The following ERBB4 variants were observed in gnomAD, a reference collection of about 807,000 sequenced individuals.
The protein encoded by ERBB4 is erb-b2 receptor tyrosine kinase 4, also known as receptor tyrosine-protein kinase erbB-4.
ERBB4 carries 42 observed loss-of-function variants against 158.0 expected under a neutral mutation model. The ratio of observed to expected loss-of-function variants is 0.27; its 90% CI spans 0.21 to 0.34. The LOEUF (loss-of-function observed/expected upper bound fraction) is 0.34. Ranked by LOEUF, ERBB4 falls within the 10% of genes least tolerant of loss-of-function variation. The probability of loss-of-function intolerance (pLI) is 1.00; values close to 1 mark genes in which losing one functional copy is unlikely to be tolerated. For missense variants in ERBB4, 1,333 were observed against 1,624.1 expected (o/e 0.82, Z 3.08); for synonymous variants, 583 against 558.7 (o/e 1.04, Z -0.61).
chr2:212,206,807 C>A (rs1250602252), intron 1 of ERBB4, among the ~76,000 whole-genome samples: 1 of 151,780 alleles, frequency 6.6e-6, no homozygotes, highest in African/African-American at 2.4e-5. Flanking sequence ...CCAGGATGGT[C>A]TCCATCTCCT....
At chr2:211,499,222 A>G (rs1415354751) in intron 20 of ERBB4, among the ~76,000 whole-genome samples, 1 of 152,024 alleles carries the variant, frequency 6.6e-6, no homozygotes, top group Non-Finnish European at 1.5e-5. Context: ...CCCATTTTAG[A>G]GATGAGAAAA....
intron 2 of ERBB4, among the ~76,000 whole-genome samples, chr2:212,050,604 C>T (rs541061510): frequency 1.8e-3 from 278 of 152,018 alleles, no homozygotes; most frequent in Non-Finnish European, 3.2e-3. Context: ...TGCTGTTCTG[C>T]TGATATTACT....
intron 1 of ERBB4, among the ~76,000 whole-genome samples, chr2:212,515,221 T>C (rs921049073): frequency 1.3e-5 from 2 of 152,164 alleles, no homozygotes; most frequent in Non-Finnish European, 2.9e-5. Flanking sequence ...ATGAAAAACA[T>C]TTTCAATATC....
rs544794568 is a variant in ERBB4 at position 212,388,367 on chromosome 2, C to T, written c.82+150082G>A. 2.0e-5 allele frequency among the ~76,000 whole-genome samples: 3 copies of T among 152,116 alleles called. No homozygotes were observed. In the South Asian group the frequency reaches 6.2e-4, roughly 32 times the overall value. The stretch of plus-strand genomic sequence containing the variant: ...CAGAATAGGACAAAGCATATGCTTT[C>T]AAATAATTAGATTTGAAAGGGAAGA... On this transcript the variant is annotated intron_variant, in intron 1 of 27. Coordinates refer to ENST00000342788, the MANE Select transcript of ERBB4 (RefSeq NM_005235.3).
chr2:211,954,451 T>A (rs1190284503), intron 2 of ERBB4, among the ~76,000 whole-genome samples: 3 of 151,802 alleles, frequency 2.0e-5, no homozygotes. Flanking sequence ...CCTTCTGTAA[T>A]CAGTCAAAAA....
chr2:211,763,914 A>ACACACACACACACAC, intron 4 of ERBB4, among the ~76,000 whole-genome samples: 1 of 152,008 alleles, frequency 6.6e-6, no homozygotes, highest in South Asian at 2.1e-4. Flanking sequence ...ACACACACAC[A>ACACACACACACACAC]AATATATGTA....
chr2:212,198,621 C>A (rs2082499075), intron 1 of ERBB4, among the ~76,000 whole-genome samples: 1 of 151,866 alleles, frequency 6.6e-6, no homozygotes, highest in South Asian at 2.1e-4. Context: ...GTTGCCCAGG[C>A]TGGAATGCAG....
chr2:211,921,496 C>G (rs575166013), intron 3 of ERBB4, among the ~76,000 whole-genome samples: 1 of 152,042 alleles, frequency 6.6e-6, no homozygotes, highest in African/African-American at 2.4e-5. Flanking sequence ...GAAAAACCAA[C>G]GTCTCTCCAT....
At chr2:212,499,810 C>G (rs143358292) in intron 1 of ERBB4, among the ~76,000 whole-genome samples, 5 of 152,116 alleles carry the variant, frequency 3.3e-5, no homozygotes, top group African/African-American at 9.6e-5. Context: ...ATGGGACACA[C>G]TTAATTGGAA....
Position 211,375,836 on chromosome 2 carries a change from TG to T in ERBB4, c.*7778del. ...AATTGTTCAGCTGGGATGATCAGTA[TG>T]GAATGAGGCAAAGCAGTTCGCATTC... On this transcript the variant is annotated 3_prime_UTR_variant, in exon 28 of 28. Coordinates refer to ENST00000342788, the MANE Select transcript of ERBB4 (RefSeq NM_005235.3). 1 of 232,746 alleles carries T rather than the reference TG, an allele frequency of 4.3e-6. No homozygotes were observed. Among genetic ancestry groups the T allele is most frequent in the Non-Finnish European group, 8.5e-6 (1 of 117,500 alleles). The allele number at this position is 232,746 out of a possible 1,614,324, so 14.4% of individuals were successfully genotyped here.
intron 1 of ERBB4, among the ~76,000 whole-genome samples, chr2:212,245,451 A>G (rs2084271970): frequency 6.6e-6 from 1 of 152,196 alleles, no homozygotes; most frequent in Non-Finnish European, 1.5e-5. Context: ...TGAGTAACTC[A>G]AACAGTTCTC....
At chr2:211,670,906 A>G (rs1330254007) in intron 14 of ERBB4, among the ~76,000 whole-genome samples, 2 of 152,196 alleles carry the variant, frequency 1.3e-5, no homozygotes, top group Non-Finnish European at 2.9e-5. Context: ...TAATAAAGGC[A>G]TACTGAAGGG....
chr2:211,553,854 T>C (rs1025286346), intron 20 of ERBB4, among the ~76,000 whole-genome samples: 1 of 152,236 alleles, frequency 6.6e-6, no homozygotes, highest in Non-Finnish European at 1.5e-5. Flanking sequence ...GTAATTAGTA[T>C]CTATGACCCA....
intron 3 of ERBB4, among the ~76,000 whole-genome samples, chr2:211,804,985 T>C (rs140303587): frequency 6.6e-6 from 1 of 151,086 alleles, no homozygotes; most frequent in Non-Finnish European, 1.5e-5. Context: ...AACGGCATGA[T>C]CTTGGCTCAC....
At chr2:211,631,950 G>A (rs1049032003) in intron 16 of ERBB4, among the ~76,000 whole-genome samples, 6 of 151,886 alleles carry the variant, frequency 4.0e-5, no homozygotes, top group Non-Finnish European at 8.8e-5. Flanking sequence ...GAAATAGTAT[G>A]GTGGATGATT....
At chr2:212,403,238 CA>C (rs2091259217) in intron 1 of ERBB4, among the ~76,000 whole-genome samples, 1 of 151,948 alleles carries the variant, frequency 6.6e-6, no homozygotes, top group Admixed American at 6.6e-5. Flanking sequence ...TCTCTGGCTG[CA>C]AAAAGTAAAT....
chr2:212,475,830 C>T (rs1689359292), intron 1 of ERBB4, among the ~76,000 whole-genome samples: 2 of 151,710 alleles, frequency 1.3e-5, no homozygotes, highest in Admixed American at 1.3e-4. Context: ...AATTCTATAT[C>T]CTAAACAGTT....
At chr2:212,336,274 C>A (rs1257849301) in intron 1 of ERBB4, among the ~76,000 whole-genome samples, 4 of 151,922 alleles carry the variant, frequency 2.6e-5, no homozygotes. Context: ...ATCTTTCTGC[C>A]ATCTTTTCAT....
chr2:211,675,324 A>G (rs1385125379), intron 13 of ERBB4, among the ~76,000 whole-genome samples: 1 of 152,180 alleles, frequency 6.6e-6, no homozygotes, highest in Non-Finnish European at 1.5e-5. Flanking sequence ...AGTTTTTCCA[A>G]ATCTAAACCC....
Sources: gnomAD v4.1 joint callset for allele counts (sites outside exome capture counted in the v4.1 genomes callset) on GRCh38, gnomAD v4.1.1 for gene constraint, MANE v1.5 for transcripts, NCBI Gene and HGNC (gene_info 2026-07-23, HGNC 2026-07-21) for gene names.